Variants in PTCH1 observed in about 807,000 individuals in gnomAD.
PTCH1 encodes patched 1.
In PTCH1, 14 loss-of-function variants were observed where a neutral mutation model predicts 144.6. The ratio of observed to expected loss-of-function variants is 0.10; its 90% CI spans 0.06 to 0.15. The LOEUF (loss-of-function observed/expected upper bound fraction) is 0.15, where lower values mean the gene tolerates loss of function less well. Among genes scored for constraint, PTCH1 ranks in the 10% least tolerant of loss-of-function variants. The probability of loss-of-function intolerance (pLI) is 1.00; values close to 1 mark genes in which losing one functional copy is unlikely to be tolerated. For synonymous variants in PTCH1, 833 were observed against 793.6 expected (o/e 1.05, Z -0.83); for missense variants, 1,623 against 1,948.3 (o/e 0.83, Z 3.14).
At chr9:95,464,423 TATGA>T (rs1839816633) in intron 15 of PTCH1, among the ~76,000 whole-genome samples, 1 of 152,226 alleles carries the variant, frequency 6.6e-6, no homozygotes, top group Admixed American at 6.5e-5. Context: ...GTTCTCCTCT[TATGA>T]ATATTTTGTG....
chr9:95,476,209 T>C lies in PTCH1; in HGVS notation c.1603-50A>G. On this transcript the variant is annotated intron_variant, in intron 11 of 23. Coordinates refer to ENST00000331920, the MANE Select transcript of PTCH1 (RefSeq NM_000264.5). The surrounding 1 kb of genome is among the most constrained non-coding windows in gnomAD (Gnocchi z 4.6). ...GAGAGCTGCACTGGACATGGTCCCC[T>C]TGGAGCACAGACTGTGTGAGCAGAT... is the stretch of plus-strand genomic sequence containing the variant. 6.3e-7 allele frequency: 1 copy of C among 1,590,874 alleles called. No homozygotes were observed.
chr9:95,491,495 A>AC (rs1165545687), intron 2 of PTCH1, among the ~76,000 whole-genome samples: 2 of 152,174 alleles, frequency 1.3e-5, no homozygotes, highest in African/African-American at 4.8e-5. Context: ...GTGTCAGTTC[A>AC]CCCATGCCTT....
rs759781538 is a variant in PTCH1 at position 95,480,524 on chromosome 9, T to C, written c.811A>G (p.Ile271Val). ...PLEFLEELKK[I>V]NYQVDSWEEM... ...TCCCAGCTGTCCACTTGATAGTTTA[T>C]TTTCTTTAACTCTTCCAGGAATTCC... The change falls in exon 6 of 24, where the codon ATA (isoleucine) becomes GTA (valine). Residue 271 changes from isoleucine to valine, a missense_variant. Physicochemically the swap from Ile to Val is conservative, Grantham distance 29. This residue lies in a region of PTCH1 where 230 missense variants were observed against 271.0 expected (regional missense o/e 0.85). Coordinates refer to ENST00000331920, the MANE Select transcript of PTCH1 (RefSeq NM_000264.5). The C allele has an allele frequency of 1.2e-6, 2 of 1,613,534 alleles. No homozygotes were observed. Among genetic ancestry groups the C allele is most frequent in the South Asian group, 2.2e-5 (2 of 90,942 alleles).
intron 2 of PTCH1, among the ~76,000 whole-genome samples, chr9:95,495,900 A>T (rs544883388): frequency 7.2e-5 from 11 of 152,144 alleles, no homozygotes; most frequent in Non-Finnish European, 1.5e-4. Context: ...TGAAGTACAC[A>T]CACGATTTCT....
chr9:95,494,503 C>G (rs1842661968), intron 2 of PTCH1: 2 of 950,328 alleles, frequency 2.1e-6, no homozygotes, highest in African/African-American at 1.8e-5. Context: ...GCGGAAATGT[C>G]TTCCATCCGG....
In PTCH1 at chr9:95,506,526, C is replaced by A. The variant is rs1360279030; in HGVS notation, c.275G>T (p.Cys92Phe). Residue 92 changes from cysteine to phenylalanine, a missense_variant, in exon 2 of 24, where the codon TGT becomes TTT. Cys to Phe is a radical substitution (Grantham distance 205). This residue lies in a region of PTCH1 where 245 missense variants were observed against 240.6 expected (regional missense o/e 1.02). Transcript: ENST00000331920. ...KFQRLLFKLG[C>F]YIQKNCGKFL... ...CTTGCCGCAGTTTTTTTGAATGTAA[C>A]AACCCAGTTTAAATAAGAGTCTCTG... is the stretch of plus-strand genomic sequence containing the variant. 1.2e-6 allele frequency: 2 copies of A among 1,613,614 alleles called. No individual in the cohort carries two copies. Among genetic ancestry groups the A allele is most frequent in the Non-Finnish European group, 8.5e-7 (1 of 1,179,796 alleles).
rs145966820 is a variant in PTCH1, at chr9:95,460,349, G to A, written c.2704-566C>T. On this transcript the variant is annotated intron_variant, in intron 16 of 23. Transcript: ENST00000331920. ...AGCCTCGCCAGGTGATCTTATTCCCGGAGGTCGTAGTACTCCGCACGCCGC... is the reference window on the plus strand; with the variant it reads ...AGCCTCGCCAGGTGATCTTATTCCCAGAGGTCGTAGTACTCCGCACGCCGC... 7.9e-3 allele frequency among the ~76,000 whole-genome samples: 1,202 copies of A among 152,292 alleles called. 14 individuals are homozygous for A. The highest frequency in any genetic ancestry group is 0.027 in the African/African-American group (1,133 of 41,552).
intron 12 of PTCH1, among the ~76,000 whole-genome samples, chr9:95,474,630 C>T (rs1840876519): frequency 1.3e-5 from 2 of 152,176 alleles, no homozygotes; most frequent in Non-Finnish European, 2.9e-5. Flanking sequence ...GTGCCTCACA[C>T]TAAATACTAA....
At chr9:95,464,681 TA>T (rs1471032968) in intron 15 of PTCH1, among the ~76,000 whole-genome samples, 1 of 152,166 alleles carries the variant, frequency 6.6e-6, no homozygotes, top group Non-Finnish European at 1.5e-5. Flanking sequence ...AACCATTATA[TA>T]GTTTTAGGAG....
At chr9:95,514,676 C>T (rs537184029) in intron 1 of PTCH1, among the ~76,000 whole-genome samples, 3 of 150,814 alleles carry the variant, frequency 2.0e-5, no homozygotes, top group Admixed American at 6.6e-5. Flanking sequence ...AGGATAAAAA[C>T]GGGAGACATA....
intron 2 of PTCH1, among the ~76,000 whole-genome samples, chr9:95,499,892 C>G (rs574592326): frequency 2.5e-4 from 38 of 152,088 alleles, no homozygotes; most frequent in African/African-American, 9.2e-4. Flanking sequence ...GCGCCCCTTT[C>G]TCCGCCCAAT....
At chr9:95,516,394 TGTCCCCGC>T in intron 1 of PTCH1, 1 of 1,182,652 alleles carries the variant, frequency 8.5e-7, no homozygotes, top group Non-Finnish European at 1.1e-6. Context: ...CGCGTCCCCG[TGTCCCCGC>T]GCCGCCCGAG....
rs2136670433 is a variant in PTCH1 at position 95,459,632 on chromosome 9, T to C, written c.2855A>G (p.Lys952Arg). 6.2e-7 allele frequency: 1 copy of C among 1,614,080 alleles called. No individual in the cohort carries two copies. The highest frequency in any genetic ancestry group is 8.5e-7 in the Non-Finnish European group (1 of 1,180,032). ...RPHRPEWVHD[K>R]ADYMPETRLR... is the part of the protein sequence containing the mutation. ...CCTTGTTTCAGGCATGTAGTCGGCT[T>C]TGTCGTGGACCCATTCTGGTCGGTG... Residue 952 changes from lysine to arginine, a missense_variant, in exon 17 of 24, where the codon AAA becomes AGA. This residue lies in a region of PTCH1 where 504 missense variants were observed against 679.3 expected (regional missense o/e 0.74). Coordinates refer to ENST00000331920, the MANE Select transcript of PTCH1 (RefSeq NM_000264.5).
chr9:95,516,743 C>A (rs200948177), exon 1 of PTCH1: 1 of 1,613,416 alleles, frequency 6.2e-7, no homozygotes, highest in Non-Finnish European at 8.5e-7. Context: ...AACCCCGGCG[C>A]GCTGGGCCGC....
chr9:95,506,957 G>A (rs1187855743), intron 1 of PTCH1: 1 of 1,019,594 alleles, frequency 9.8e-7, no homozygotes, highest in East Asian at 8.8e-5. Flanking sequence ...AGAAGGGAGG[G>A]GCTGCGTAAT....
intron 2 of PTCH1, among the ~76,000 whole-genome samples, chr9:95,504,236 CT>C (rs1843380524): frequency 6.6e-6 from 1 of 151,998 alleles, no homozygotes; most frequent in South Asian, 2.1e-4. Context: ...GAGTGTGCCC[CT>C]CAGAAGTGTC....
At chr9:95,470,902 A>G (rs778722994) in intron 12 of PTCH1, among the ~76,000 whole-genome samples, 5 of 152,186 alleles carry the variant, frequency 3.3e-5, no homozygotes, top group Non-Finnish European at 7.3e-5. Flanking sequence ...TAACACGGTG[A>G]AACCCCGTCT....
At chr9:95,510,191 A>C (rs1173022251), upstream of PTCH1, among the ~76,000 whole-genome samples, 1 of 152,232 alleles carries the variant, frequency 6.6e-6, no homozygotes, top group East Asian at 1.9e-4. Context: ...TTGAGAGAGT[A>C]AAGTTTTCCT....
At chr9:95,481,674 C>T (rs530220593) in intron 5 of PTCH1, among the ~76,000 whole-genome samples, 4 of 152,300 alleles carry the variant, frequency 2.6e-5, no homozygotes, top group South Asian at 2.1e-4. Context: ...AAAAATCACA[C>T]GTACTCTGCA....
Sources: gnomAD v4.1 joint callset for allele counts (sites outside exome capture counted in the v4.1 genomes callset) on GRCh38, gnomAD v4.1.1 for gene constraint, gnomAD v4.1.1 regional missense constraint, Gnocchi (gnomAD v3.1) non-coding constraint, MANE v1.5 for transcripts, NCBI Gene and HGNC (gene_info 2026-07-23, HGNC 2026-07-21) for gene names.